The following CSMD3 variants were observed in gnomAD, a reference collection of about 807,000 sequenced individuals.
CSMD3 encodes CUB and Sushi multiple domains 3, also known as CUB and sushi domain-containing protein 3.
A neutral mutation model predicts 435.2 loss-of-function variants in CSMD3; 177 were observed. That is an observed-to-expected ratio of 0.41 (90% CI 0.36 to 0.46). The LOEUF (loss-of-function observed/expected upper bound fraction) is 0.46. Among genes scored for constraint, CSMD3 ranks in the 20% least tolerant of loss-of-function variants. The probability of loss-of-function intolerance (pLI) is 0.34; values close to 1 mark genes in which losing one functional copy is unlikely to be tolerated. For missense variants in CSMD3, 4,265 were observed against 4,504.6 expected (o/e 0.95, Z 1.52); for synonymous variants, 1,656 against 1,520.5 (o/e 1.09, Z -2.07).
chr8:113,285,267 T>TTC (rs1418704113), intron 2 of CSMD3, among the ~76,000 whole-genome samples: 1 of 150,618 alleles, frequency 6.6e-6, no homozygotes, highest in East Asian at 2.0e-4. Context: ...ACAGCTTTTT[T>TTC]TTTTTTTTTT....
chr8:112,938,031 C>A (rs1266186289), intron 9 of CSMD3, among the ~76,000 whole-genome samples: 2 of 152,070 alleles, frequency 1.3e-5, no homozygotes, highest in Non-Finnish European at 2.9e-5. Context: ...CTAAAACAGT[C>A]GAGAAGCCAG....
At chr8:112,390,517 A>C in intron 36 of CSMD3, 147 bp downstream of exon 36, 2 of 716,346 alleles carry the variant, frequency 2.8e-6, no homozygotes, top group Non-Finnish European at 4.7e-6. Flanking sequence ...ACGTGAAAAA[A>C]ATTAATAACA....
chr8:113,210,957 G>A (rs1316902405), intron 3 of CSMD3, among the ~76,000 whole-genome samples: 1 of 151,842 alleles, frequency 6.6e-6, no homozygotes, highest in Non-Finnish European at 1.5e-5. Context: ...CCCTGGATTT[G>A]AGTCCACATT....
intron 3 of CSMD3, among the ~76,000 whole-genome samples, chr8:113,228,332 T>C (rs549564769): frequency 6.6e-6 from 1 of 151,740 alleles, no homozygotes; most frequent in South Asian, 2.1e-4. Context: ...GAATTATGAT[T>C]ACATAGTGCT....
chr8:113,390,860 C>T (rs575636389), intron 1 of CSMD3, among the ~76,000 whole-genome samples: 14 of 151,986 alleles, frequency 9.2e-5, no homozygotes, highest in Admixed American at 5.9e-4. Flanking sequence ...TATCTGGAAC[C>T]TATTTCAGAC....
chr8:112,825,954 G>T (rs1377181750), intron 12 of CSMD3, among the ~76,000 whole-genome samples: 1 of 152,100 alleles, frequency 6.6e-6, no homozygotes, highest in Non-Finnish European at 1.5e-5. Context: ...AATTCTGCTG[G>T]TCCCTGGAGA....
At chr8:112,970,875 C>T (rs919902897) in intron 7 of CSMD3, among the ~76,000 whole-genome samples, 2 of 152,022 alleles carry the variant, frequency 1.3e-5, no homozygotes, top group East Asian at 3.9e-4. Context: ...GCGCCCGCCA[C>T]CACGCCCAGC....
At chr8:113,165,974 C>T (rs1471210622) in intron 4 of CSMD3, among the ~76,000 whole-genome samples, 2 of 152,054 alleles carry the variant, frequency 1.3e-5, no homozygotes, top group East Asian at 3.9e-4. Context: ...GATTTTCTTC[C>T]TTGATCATAA....
At chr8:112,554,303 T>C (rs1827932712) in intron 25 of CSMD3, among the ~76,000 whole-genome samples, 1 of 152,072 alleles carries the variant, frequency 6.6e-6, no homozygotes, top group Admixed American at 6.6e-5. Flanking sequence ...TAAGGGAATA[T>C]TACCTTTTAT....
At chr8:112,999,501 G>A (rs1159691392) in intron 6 of CSMD3, among the ~76,000 whole-genome samples, 7 of 151,782 alleles carry the variant, frequency 4.6e-5, no homozygotes, top group Non-Finnish European at 1.0e-4. Context: ...AATGCAACAA[G>A]CTTTTTACTC....
intron 13 of CSMD3, among the ~76,000 whole-genome samples, chr8:112,706,560 G>A (rs984782099): frequency 1.3e-5 from 2 of 151,994 alleles, no homozygotes; most frequent in African/African-American, 4.8e-5. Flanking sequence ...GTTTGACCAA[G>A]GGAATGATAG....
chr8:113,163,700 A>G (rs969082456), intron 4 of CSMD3, among the ~76,000 whole-genome samples: 15 of 152,048 alleles, frequency 9.9e-5, no homozygotes, highest in Admixed American at 2.6e-4. Context: ...TCAAACTTTG[A>G]AAATATATAA....
chr8:112,527,884 T>C (rs763539945), intron 27 of CSMD3, among the ~76,000 whole-genome samples: 11 of 152,150 alleles, frequency 7.2e-5, no homozygotes, highest in Non-Finnish European at 1.6e-4. Flanking sequence ...CACATAAAAA[T>C]AGATTTATTC....
chr8:112,389,841 T>C (rs1830268783), intron 36 of CSMD3, among the ~76,000 whole-genome samples: 1 of 152,192 alleles, frequency 6.6e-6, no homozygotes, highest in African/African-American at 2.4e-5. Context: ...TAAAATATTA[T>C]CAATTCATCC....
intron 32 of CSMD3, among the ~76,000 whole-genome samples, chr8:112,459,365 G>T (rs1277714734): frequency 2.9e-5 from 4 of 137,896 alleles, no homozygotes; most frequent in South Asian, 2.3e-4. Flanking sequence ...GTGTGGGGGG[G>T]GGGGGTTTAT....
chr8:112,975,469 CACTTATTAATCAAAACTGGCT>C (rs1273649803), intron 7 of CSMD3, among the ~76,000 whole-genome samples: 1 of 151,986 alleles, frequency 6.6e-6, no homozygotes, highest in Non-Finnish European at 1.5e-5. Flanking sequence ...TAAATATATG[CACTTATTAATCAAAACTGGCT>C]ACTTTATTTT....
chr8:113,350,520 A>G lies in CSMD3; in HGVS notation c.179-35727T>C, dbSNP rs1446894699. On this transcript the variant is annotated intron_variant, in intron 1 of 70. Transcript: ENST00000297405. ...ATTGAGAAGTAAAATCCAACTGGAT[A>G]TCAAGTATAAACTGGTCACTTTCTT... is the stretch of plus-strand genomic sequence containing the variant. Among the ~76,000 whole-genome samples, 5 of 152,276 alleles carry G rather than the reference A, an allele frequency of 3.3e-5. No homozygotes were observed. The South Asian group carries it at 8.3e-4, about 25-fold the overall frequency.
intron 27 of CSMD3, among the ~76,000 whole-genome samples, chr8:112,537,497 T>A (rs913165408): frequency 6.6e-6 from 1 of 151,748 alleles, no homozygotes; most frequent in African/African-American, 2.4e-5. Context: ...TTAGCTAGAT[T>A]AAGAGAAAAG....
chr8:112,999,191 T>C (rs2085768341), intron 6 of CSMD3, among the ~76,000 whole-genome samples: 1 of 150,536 alleles, frequency 6.6e-6, no homozygotes. Context: ...AATAGCACTA[T>C]GAAAAAAAAA....
Sources: allele counts gnomAD v4.1 joint callset (sites outside exome capture counted in the v4.1 genomes callset), GRCh38; gene constraint gnomAD v4.1.1; transcripts MANE v1.5; gene names NCBI Gene and HGNC (gene_info 2026-07-23, HGNC 2026-07-21).